SSH2: variants seen among roughly 807,000 people sequenced by gnomAD.
The protein encoded by SSH2 is slingshot protein phosphatase 2.
A neutral mutation model predicts 135.2 loss-of-function variants in SSH2; 37 were observed. The ratio of observed to expected loss-of-function variants is 0.27; its 90% confidence interval spans 0.21 to 0.36. The LOEUF (loss-of-function observed/expected upper bound fraction) is 0.36, where lower values mean the gene tolerates loss of function less well. Ranked by LOEUF, SSH2 falls within the 10% of genes least tolerant of loss-of-function variation. The pLI, the probability that SSH2 is intolerant of heterozygous loss-of-function variation, is 1.00. For missense variants in SSH2, 1,408 were observed against 1,765.3 expected (o/e 0.80, Z 3.63); for synonymous variants, 628 against 646.2 (o/e 0.97, Z 0.43).
intron 15 of SSH2, among the ~76,000 whole-genome samples, chr17:29,635,051 C>T (rs753611750): frequency 4.0e-5 from 6 of 151,604 alleles, no homozygotes; most frequent in Non-Finnish European, 7.4e-5. Flanking sequence ...TATAGGCATG[C>T]GCCACCACAC....
At chr17:29,650,892 C>T in intron 12 of SSH2, 92 bp from the exon 13 acceptor site, 1 of 1,016,322 alleles carries the variant, frequency 9.8e-7, no homozygotes, top group Non-Finnish European at 1.4e-6. Context: ...CTTGTTTATT[C>T]CATAGACTGA....
chr17:29,695,733 C>T (rs2038699688), intron 4 of SSH2, among the ~76,000 whole-genome samples: 1 of 152,122 alleles, frequency 6.6e-6, no homozygotes, highest in South Asian at 2.1e-4. Context: ...TTAGTCTATA[C>T]TACATTAAAA....
intron 3 of SSH2, chr17:29,707,026 C>CGCTT (rs2039232001): frequency 6.6e-6 from 1 of 152,128 alleles, no homozygotes; most frequent in African/African-American, 2.4e-5. Flanking sequence ...TGGTGGCGGG[C>CGCTT]GCTTGTAGTC....
chr17:29,878,084 C>G (rs554257955), intron 1 of SSH2, among the ~76,000 whole-genome samples: 2 of 151,546 alleles, frequency 1.3e-5, no homozygotes, highest in South Asian at 4.2e-4. Context: ...GACCCTGTCT[C>G]GAAGATAGCA....
In SSH2 at chr17:29,854,238, T is replaced by C. The variant is rs773953767; in HGVS notation, c.64-5309A>G. ...ACAATGAGTCATTCATTGCCATTTA[T>C]TGTACCCCTACTGCGTATTAAGCAC... On this transcript the variant is annotated intron_variant, in intron 1 of 15. Transcript: ENST00000540801. Among the ~76,000 whole-genome samples the C allele has an allele frequency of 5.8e-4, 88 of 152,062 alleles. 1 individual carries two copies. The Middle Eastern group carries it at 0.017, about 30-fold the overall frequency.
At chr17:29,868,447 T>G (rs928125315) in intron 1 of SSH2, among the ~76,000 whole-genome samples, 2 of 152,036 alleles carry the variant, frequency 1.3e-5, no homozygotes, top group Non-Finnish European at 2.9e-5. Flanking sequence ...CACATAAAAT[T>G]CAGTTCCCGG....
At chr17:29,713,073 C>T (rs1445907005) in intron 3 of SSH2, among the ~76,000 whole-genome samples, 5 of 152,210 alleles carry the variant, frequency 3.3e-5, no homozygotes, top group Admixed American at 6.5e-5. Context: ...TGGTGGCTCA[C>T]GCCTGTAATT....
intron 3 of SSH2, among the ~76,000 whole-genome samples, chr17:29,784,242 GGGC>G (rs1307555295): frequency 1.3e-5 from 2 of 151,698 alleles, no homozygotes; most frequent in African/African-American, 4.8e-5. Context: ...AAAATAGGCT[GGGC>G]GTGGTGGCAC....
chr17:29,646,079 G>A (rs761259928), intron 14 of SSH2, among the ~76,000 whole-genome samples: 15 of 152,106 alleles, frequency 9.9e-5, no homozygotes, highest in Non-Finnish European at 1.9e-4. Context: ...AAACCACCTA[G>A]AATATACCTA....
chr17:29,743,898 T>C (rs1439721566), intron 3 of SSH2, among the ~76,000 whole-genome samples: 2 of 144,816 alleles, frequency 1.4e-5, no homozygotes, highest in East Asian at 1.9e-4. Context: ...ATTTCTTTTT[T>C]CTTTTTTCCT....
chr17:29,880,699 G>C (rs907475675), intron 1 of SSH2, among the ~76,000 whole-genome samples: 1 of 152,078 alleles, frequency 6.6e-6, no homozygotes, highest in African/African-American at 2.4e-5. Flanking sequence ...AATAGTACAG[G>C]CTGAATTTAA....
intron 3 of SSH2, among the ~76,000 whole-genome samples, chr17:29,771,318 G>A (rs1283917247): frequency 6.6e-6 from 1 of 152,104 alleles, no homozygotes; most frequent in Non-Finnish European, 1.5e-5. Context: ...CTCTTTTGTG[G>A]ACTTTATATA....
chr17:29,685,799 A>C (rs2151080757), intron 5 of SSH2, among the ~76,000 whole-genome samples: 1 of 151,890 alleles, frequency 6.6e-6, no homozygotes, highest in African/African-American at 2.4e-5. Flanking sequence ...AAAAAAAAAA[A>C]AAGCTCAGTA....
intron 1 of SSH2, among the ~76,000 whole-genome samples, chr17:29,926,915 G>C (rs1420207809): frequency 6.6e-6 from 1 of 152,116 alleles, no homozygotes; most frequent in Non-Finnish European, 1.5e-5. Context: ...CATACTTTTT[G>C]ATCACCAAGG....
intron 3 of SSH2, among the ~76,000 whole-genome samples, chr17:29,763,946 CTTTTTTTTT>C (rs57261890): frequency 1.4e-5 from 2 of 139,738 alleles, no homozygotes; most frequent in Admixed American, 1.4e-4. Context: ...ATGTCTCCTG[CTTTTTTTTT>C]TTTTTTTCCC....
intron 2 of SSH2, among the ~76,000 whole-genome samples, chr17:29,823,095 A>G (rs1434832944): frequency 6.6e-6 from 1 of 152,232 alleles, no homozygotes; most frequent in Non-Finnish European, 1.5e-5. Context: ...ATCTATATAG[A>G]TGAAAGGCAG....
chr17:29,812,276 A>AAT (rs1158457335), intron 2 of SSH2, among the ~76,000 whole-genome samples: 1 of 151,772 alleles, frequency 6.6e-6, no homozygotes. Context: ...TGTTTTTTAA[A>AAT]ATATATATTT....
chr17:29,789,591 G>A (rs374700852), intron 3 of SSH2, among the ~76,000 whole-genome samples: 3 of 152,282 alleles, frequency 2.0e-5, no homozygotes, highest in East Asian at 3.9e-4. Context: ...TGGCGATCAG[G>A]GAGCAGGCTG....
At chr17:29,652,662 T>C (rs1180620573) in intron 12 of SSH2, among the ~76,000 whole-genome samples, 2 of 152,112 alleles carry the variant, frequency 1.3e-5, no homozygotes, top group African/African-American at 4.8e-5. Context: ...ATTATTTATT[T>C]ATTTATTTTC....
Sources: allele counts gnomAD v4.1 joint callset (sites outside exome capture counted in the v4.1 genomes callset), GRCh38; gene constraint gnomAD v4.1.1; transcripts MANE v1.5; gene names NCBI Gene and HGNC (gene_info 2026-07-23, HGNC 2026-07-21).